TMEFF2: variants seen among roughly 807,000 people sequenced by gnomAD.
The protein encoded by TMEFF2 is transmembrane protein with EGF like and two follistatin like domains 2.
In TMEFF2, 28 loss-of-function variants were observed where a neutral mutation model predicts 53.8. The observed-to-expected ratio is 0.52, with a 90% CI of 0.39 to 0.71. The LOEUF (loss-of-function observed/expected upper bound fraction) is 0.71. Among genes scored for constraint, TMEFF2 ranks in the 30% least tolerant of loss-of-function variants. TMEFF2 has a pLI of 0.00. For missense variants in TMEFF2, 353 were observed against 455.2 expected (o/e 0.78, Z 2.04); for synonymous variants, 162 against 166.3 (o/e 0.97, Z 0.20).
At chr2:192,187,236 G>A (rs1334783074) in intron 2 of TMEFF2, among the ~76,000 whole-genome samples, 2 of 152,086 alleles carry the variant, frequency 1.3e-5, no homozygotes, top group African/African-American at 4.8e-5. Flanking sequence ...TATTTAACAG[G>A]TTTATAGCCT....
chr2:192,174,324 G>T (rs149509252), intron 4 of TMEFF2, among the ~76,000 whole-genome samples: 1 of 151,686 alleles, frequency 6.6e-6, no homozygotes, highest in Non-Finnish European at 1.5e-5. Context: ...TTGTAAAAAC[G>T]TATTCATGTG....
At chr2:192,129,247 T>C (rs1292268848) in intron 4 of TMEFF2, among the ~76,000 whole-genome samples, 1 of 152,158 alleles carries the variant, frequency 6.6e-6, no homozygotes, top group Non-Finnish European at 1.5e-5. Context: ...TTCAGTTTTT[T>C]AAAAATGTCC....
chr2:191,977,010 G>A (rs1057344464), intron 7 of TMEFF2, among the ~76,000 whole-genome samples: 4 of 152,192 alleles, frequency 2.6e-5, no homozygotes, highest in Non-Finnish European at 5.9e-5. Context: ...GAGTAAAAGA[G>A]TTTTAAATGT....
In TMEFF2 at chr2:192,003,926, T is replaced by TGGGGG. The variant is rs767041385; in HGVS notation, c.537-4719_537-4718insCCCCC. Among the ~76,000 whole-genome samples the TGGGGG allele has an allele frequency of 2.4e-4, 23 of 96,372 alleles. 1 individual carries two copies. Among genetic ancestry groups the TGGGGG allele is most frequent in the Non-Finnish European group, 3.6e-4 (16 of 44,352 alleles). The allele number at this position is 96,372 out of a possible 152,430, so 63.2% of individuals were successfully genotyped here. ...ATGAGTGAAAAAATTTGTGTGTGTG[T>TGGGGG]GTGGGGGGGGGGCTCACACTCACCT... is the stretch of plus-strand genomic sequence containing the variant. On this transcript the variant is annotated intron_variant, in intron 5 of 9. Coordinates refer to ENST00000272771, the MANE Select transcript of TMEFF2 (RefSeq NM_016192.4).
intron 5 of TMEFF2, among the ~76,000 whole-genome samples, chr2:192,021,535 T>C (rs1686860633): frequency 6.6e-6 from 1 of 152,014 alleles, no homozygotes; most frequent in African/African-American, 2.4e-5. Flanking sequence ...ACAGAGACCA[T>C]AGTAAACCTG....
chr2:192,029,901 A>G (rs561095112), intron 5 of TMEFF2, among the ~76,000 whole-genome samples: 1 of 152,368 alleles, frequency 6.6e-6, no homozygotes, highest in African/African-American at 2.4e-5. Context: ...TTGGCTTAAT[A>G]CAACAAAGCT....
At chr2:192,128,687 A>C (rs1689737297) in intron 4 of TMEFF2, among the ~76,000 whole-genome samples, 1 of 152,182 alleles carries the variant, frequency 6.6e-6, no homozygotes. Context: ...ATAATATGTT[A>C]ATCTTTAAAA....
intron 5 of TMEFF2, among the ~76,000 whole-genome samples, chr2:192,056,176 G>T (rs540045076): frequency 6.6e-6 from 1 of 152,034 alleles, no homozygotes; most frequent in African/African-American, 2.4e-5. Context: ...CAAAATGATG[G>T]TTAACTGCTC....
At chr2:192,002,542 T>C (rs1195572989) in intron 5 of TMEFF2, among the ~76,000 whole-genome samples, 1 of 150,914 alleles carries the variant, frequency 6.6e-6, no homozygotes, top group Non-Finnish European at 1.5e-5. Context: ...TTGAAAACAA[T>C]AAGCTGGCCG....
chr2:192,051,352 G>A (rs1478601100), intron 5 of TMEFF2, among the ~76,000 whole-genome samples: 1 of 151,962 alleles, frequency 6.6e-6, no homozygotes, highest in Non-Finnish European at 1.5e-5. Context: ...ACACCCTAGG[G>A]AGAAACTGAA....
intron 7 of TMEFF2, 61 bp from the exon 8 acceptor site, chr2:191,956,439 G>A (rs1692098258): frequency 3.2e-6 from 5 of 1,544,492 alleles, no homozygotes; most frequent in African/African-American, 1.4e-5. Flanking sequence ...AGATCAACCA[G>A]TACATTAAGA....
chr2:191,964,346 TTCTTTCTTTCTTTCTTTCTTTCTTTC>T (rs1479182893), intron 7 of TMEFF2, among the ~76,000 whole-genome samples: 235 of 104,582 alleles, frequency 2.2e-3, no homozygotes, highest in South Asian at 8.5e-3. Flanking sequence ...CTTTCTTTCT[TTCTTTCTTTCTTTCTTTCTTTCTTTC>T]TCTTTCTTTC....
intron 7 of TMEFF2, among the ~76,000 whole-genome samples, chr2:191,982,664 A>G (rs1685882061): frequency 6.6e-6 from 1 of 152,172 alleles, no homozygotes; most frequent in Non-Finnish European, 1.5e-5. Context: ...AGAATAATAG[A>G]TGAGACATAC....
intron 3 of TMEFF2, among the ~76,000 whole-genome samples, chr2:192,183,526 C>T (rs1408937883): frequency 6.6e-6 from 1 of 152,080 alleles, no homozygotes; most frequent in South Asian, 2.1e-4. Context: ...CATCCAAATT[C>T]TCAGGAATTA....
intron 5 of TMEFF2, among the ~76,000 whole-genome samples, chr2:192,041,634 C>T (rs1237644731): frequency 6.6e-6 from 1 of 152,144 alleles, no homozygotes; most frequent in Non-Finnish European, 1.5e-5. Flanking sequence ...GACCTGAAAA[C>T]ATACATTCCC....
chr2:192,161,272 G>A (rs900332636), intron 4 of TMEFF2, among the ~76,000 whole-genome samples: 8 of 151,986 alleles, frequency 5.3e-5, no homozygotes, highest in African/African-American at 1.9e-4. Context: ...GTGTTCAAGC[G>A]ATTCTCCCTA....
chr2:192,118,441 A>G (rs1381940545), intron 4 of TMEFF2, among the ~76,000 whole-genome samples: 1 of 152,212 alleles, frequency 6.6e-6, no homozygotes, highest in East Asian at 1.9e-4. Flanking sequence ...TTGTCTTTAA[A>G]AAGTATATAT....
intron 7 of TMEFF2, among the ~76,000 whole-genome samples, chr2:191,987,775 C>T (rs1321875680): frequency 6.6e-6 from 1 of 152,144 alleles, no homozygotes; most frequent in Non-Finnish European, 1.5e-5. Context: ...AAGTCATTGG[C>T]TCTAAAATCC....
chr2:192,035,397 C>T (rs539848926), intron 5 of TMEFF2: 2 of 152,324 alleles, frequency 1.3e-5, no homozygotes, highest in East Asian at 3.9e-4. Context: ...CCTATGTCCA[C>T]TGTTTTGGAG....
Sources: gnomAD v4.1 joint callset for allele counts (sites outside exome capture counted in the v4.1 genomes callset) on GRCh38, gnomAD v4.1.1 for gene constraint, MANE v1.5 for transcripts, NCBI Gene and HGNC (gene_info 2026-07-23, HGNC 2026-07-21) for gene names.